The following NEXN variants were observed in gnomAD, a reference collection of about 807,000 sequenced individuals.
The protein encoded by NEXN is nexilin.
In NEXN, 65 loss-of-function variants were observed where a neutral mutation model predicts 92.6. The observed-to-expected ratio is 0.70, with a 90% CI of 0.57 to 0.86. The LOEUF (loss-of-function observed/expected upper bound fraction) is 0.86, where lower values mean the gene tolerates loss of function less well. Among genes scored for constraint, NEXN ranks in the 40% least tolerant of loss-of-function variants. NEXN has a pLI of 0.00. For missense variants in NEXN, 778 were observed against 771.1 expected, an observed-to-expected ratio of 1.01 and a Z score of -0.11; for synonymous variants, 254 against 242.5, an observed-to-expected ratio of 1.05 and a Z score of -0.44.
At chr1:77,891,747 TAAAAAA>T (rs373772489) in intron 1 of NEXN, among the ~76,000 whole-genome samples, 3 of 129,028 alleles carry the variant, frequency 2.3e-5, no homozygotes, top group Admixed American at 1.6e-4. Context: ...GGAAAAAAAG[TAAAAAA>T]AAAAAAAAAA....
chr1:77,908,150 T>A (rs1648272067), intron 1 of NEXN, among the ~76,000 whole-genome samples: 1 of 152,112 alleles, frequency 6.6e-6, no homozygotes, highest in Non-Finnish European at 1.5e-5. Flanking sequence ...TGATCACAGC[T>A]CACTGCAACC....
At chr1:77,896,539 G>C (rs182552874) in intron 1 of NEXN, among the ~76,000 whole-genome samples, 1 of 152,184 alleles carries the variant, frequency 6.6e-6, no homozygotes, top group Non-Finnish European at 1.5e-5. Flanking sequence ...AGCCCGAGGC[G>C]GGTGGAGCTC....
intron 11 of NEXN, among the ~76,000 whole-genome samples, chr1:77,938,418 A>G (rs563601025): frequency 6.6e-6 from 1 of 152,202 alleles, no homozygotes; most frequent in South Asian, 2.1e-4. Context: ...TGGGAGGCCG[A>G]GGCGGGCGGA....
Position 77,934,166 on chromosome 1 carries a change from T to G in NEXN, c.1251+687T>G, listed in dbSNP as rs544963844. The stretch of plus-strand genomic sequence containing the variant: ...CTGGGATTACAGGCATGTGCCACGA[T>G]GCCCGGCTAATTTTTGTATTTTTGG... On this transcript the variant is annotated intron_variant, in intron 10 of 12. Coordinates refer to ENST00000334785, the MANE Select transcript of NEXN (RefSeq NM_144573.4). 6.6e-5 allele frequency among the ~76,000 whole-genome samples: 10 copies of G among 152,186 alleles called. No homozygotes were observed. The South Asian group carries it at 2.1e-3, about 32-fold the overall frequency.
intron 1 of NEXN, among the ~76,000 whole-genome samples, chr1:77,896,824 G>T (rs1360084380): frequency 2.0e-5 from 3 of 151,268 alleles, no homozygotes. Context: ...ATGATAAAGG[G>T]GATATCACCA....
chr1:77,909,616 TTAA>T (rs965295582), intron 1 of NEXN, among the ~76,000 whole-genome samples: 13 of 152,076 alleles, frequency 8.5e-5, no homozygotes, highest in Admixed American at 2.0e-4. Flanking sequence ...TCCTTTATTT[TTAA>T]TAATGTCATA....
At chr1:77,930,951 A>G (rs1233316097) in intron 9 of NEXN, among the ~76,000 whole-genome samples, 1 of 152,232 alleles carries the variant, frequency 6.6e-6, no homozygotes, top group Non-Finnish European at 1.5e-5. Flanking sequence ...TTAGCGTAGC[A>G]GACCTCCAAT....
intron 1 of NEXN, among the ~76,000 whole-genome samples, chr1:77,908,100 C>T (rs572123577): frequency 6.6e-6 from 1 of 151,912 alleles, no homozygotes; most frequent in African/African-American, 2.4e-5. Context: ...TTTTTAAAGA[C>T]AGTCTCATGC....
intron 9 of NEXN, among the ~76,000 whole-genome samples, chr1:77,930,928 T>C (rs1297196339): frequency 1.3e-5 from 2 of 152,200 alleles, no homozygotes; most frequent in East Asian, 1.9e-4. Context: ...TCATCAAACA[T>C]GTGGCACAAT....
chr1:77,895,448 G>C (rs1647213909), intron 1 of NEXN, among the ~76,000 whole-genome samples: 1 of 152,140 alleles, frequency 6.6e-6, no homozygotes, highest in South Asian at 2.1e-4. Flanking sequence ...AGTGAAAAAT[G>C]ATAAAAATTT....
intron 5 of NEXN, among the ~76,000 whole-genome samples, chr1:77,924,847 A>G (rs571879438): frequency 1.2e-3 from 188 of 151,914 alleles, no homozygotes; most frequent in Admixed American, 2.6e-3. Flanking sequence ...TTTTGTAGAG[A>G]AGGGATCTCG....
chr1:77,929,122 T>C (rs1650090958), intron 8 of NEXN, among the ~76,000 whole-genome samples, 194 bp from the exon 9 acceptor site: 1 of 152,200 alleles, frequency 6.6e-6, no homozygotes, highest in Non-Finnish European at 1.5e-5. Flanking sequence ...CCTGAGTACA[T>C]CTTTATATGG....
intron 8 of NEXN, among the ~76,000 whole-genome samples, chr1:77,927,251 G>T (rs1251732929): frequency 6.6e-6 from 1 of 151,766 alleles, no homozygotes; most frequent in East Asian, 1.9e-4. Flanking sequence ...CTCCAGCCTG[G>T]GTAACAGAAT....
At chr1:77,898,592 C>T (rs1279430894) in intron 1 of NEXN, among the ~76,000 whole-genome samples, 5 of 152,086 alleles carry the variant, frequency 3.3e-5, no homozygotes, top group African/African-American at 7.2e-5. Context: ...ATTCAGGACA[C>T]AGGCATGGGC....
chr1:77,922,240 T>C (rs2102108341), intron 5 of NEXN, among the ~76,000 whole-genome samples: 1 of 150,300 alleles, frequency 6.7e-6, no homozygotes, highest in African/African-American at 2.4e-5. Context: ...CCCAGGTTCA[T>C]GCCATTCTCC....
rs755608239 is a variant in NEXN at position 77,925,120 on chromosome 1, AGTT to A, written c.448-61_448-59del. 9.2e-5 allele frequency: 91 copies of A among 993,200 alleles called. 1 individual carries two copies. The East Asian group carries it at 1.8e-3, about 19-fold the overall frequency. 61.5% of individuals were successfully genotyped at this position (993,200 alleles called of 1,614,324 possible). The stretch of plus-strand genomic sequence containing the variant: ...ATAAGTCACAACTAAATTACTTTCC[AGTT>A]GTTGTTTAAAAGCAAAAAGTAGAAA... On this transcript the variant is annotated intron_variant, in intron 5 of 12. Coordinates refer to ENST00000334785, the MANE Select transcript of NEXN (RefSeq NM_144573.4).
chr1:77,906,460 T>A (rs1648120022), intron 1 of NEXN, among the ~76,000 whole-genome samples: 1 of 152,162 alleles, frequency 6.6e-6, no homozygotes, highest in African/African-American at 2.4e-5. Context: ...ATAATTATCA[T>A]TAGGATATAA....
chr1:77,901,220 G>A (rs1647680328), intron 1 of NEXN, among the ~76,000 whole-genome samples: 1 of 152,078 alleles, frequency 6.6e-6, no homozygotes, highest in African/African-American at 2.4e-5. Flanking sequence ...TTTTCTTAGA[G>A]ACTTCAATCA....
At position 77,929,322 on chromosome 1, in the gene NEXN, G is replaced by A. The variant is rs770120245; in HGVS notation, c.871G>A (p.Glu291Lys). ...FEEARRQMVN[E>K]DEENQDTAKI... Reference sequence around the variant, plus strand: ...GAATTGTTTATTTGGTTAGGTAAATGAAGATGAGGAAAACCAAGACACAGC... The same window carrying A: ...GAATTGTTTATTTGGTTAGGTAAATAAAGATGAGGAAAACCAAGACACAGC... Residue 291 changes from glutamate to lysine, a missense_variant, in exon 9 of 13, where the codon GAA becomes AAA. By Grantham distance (56) the Glu-to-Lys change is moderately conservative. This residue lies in a region of NEXN where 532 missense variants were observed against 476.7 expected (regional missense o/e 1.12). Transcript: ENST00000334785. The A allele has an allele frequency of 6.9e-6, 11 of 1,605,570 alleles. No individual in the cohort carries two copies. In the East Asian group the frequency reaches 2.2e-4, roughly 33 times the overall value.
Sources: gnomAD v4.1 joint callset for allele counts (sites outside exome capture counted in the v4.1 genomes callset) on GRCh38, gnomAD v4.1.1 for gene constraint, gnomAD v4.1.1 regional missense constraint, MANE v1.5 for transcripts, NCBI Gene and HGNC (gene_info 2026-07-23, HGNC 2026-07-21) for gene names.